The following TMEM260 variants were observed in gnomAD, a reference collection of about 807,000 sequenced individuals.
TMEM260 encodes the protein transmembrane protein 260.
Under a neutral mutation model 88.9 loss-of-function variants are expected in TMEM260, and 82 were observed. The ratio of observed to expected loss-of-function variants is 0.92; its 90% CI spans 0.77 to 1.11. The LOEUF (loss-of-function observed/expected upper bound fraction) is 1.11, where lower values mean the gene tolerates loss of function less well. Ranked by LOEUF, TMEM260 falls within the 50% of genes least tolerant of loss-of-function variation. TMEM260 has a pLI of 0.00. For synonymous variants in TMEM260, 314 were observed against 309.3 expected, an observed-to-expected ratio of 1.02 and a Z score of -0.16; for missense variants, 902 against 853.4, an observed-to-expected ratio of 1.06 and a Z score of -0.71.
In TMEM260 at chr14:56,603,982, A is replaced by G; in HGVS notation, c.512A>G (p.Glu171Gly). Residue 171 changes from glutamate to glycine, a missense_variant, in exon 4 of 16, where the codon GAG (glutamate) becomes GGG (glycine). Glu to Gly is a moderately conservative substitution (Grantham distance 98). Coordinates refer to ENST00000261556, the MANE Select transcript of TMEM260 (RefSeq NM_017799.4). Reference sequence around the variant, plus strand: ...TTTGAGGAAGCAGCAACTGCTAAGGAGAGATCAAAGGTAACCTATTTTGAT... The same window carrying G: ...TTTGAGGAAGCAGCAACTGCTAAGGGGAGATCAAAGGTAACCTATTTTGAT... ...VHFEEAATAKERSKVAKIGAF... is the reference protein window; with the variant it reads ...VHFEEAATAKGRSKVAKIGAF... 1 of 1,563,774 alleles carries G rather than the reference A, an allele frequency of 6.4e-7. No individual in the cohort carries two copies. The highest frequency in any genetic ancestry group is 1.2e-5 in the South Asian group (1 of 82,868).
At chr14:56,642,608 C>G (rs1889679868) in intron 15 of TMEM260, among the ~76,000 whole-genome samples, 1 of 152,018 alleles carries the variant, frequency 6.6e-6, no homozygotes, top group South Asian at 2.1e-4. Context: ...GCTAGAGAAG[C>G]AAGAGCAAAC....
Position 56,640,207 on chromosome 14 carries a change from T to C in TMEM260, c.1869+3609T>C, listed in dbSNP as rs188061834. Among the ~76,000 whole-genome samples, 5 of 152,206 alleles carry C rather than the reference T, an allele frequency of 3.3e-5. No individual in the cohort carries two copies. The East Asian group carries it at 9.7e-4, about 30-fold the overall frequency. On this transcript the variant is annotated intron_variant, in intron 15 of 15. Coordinates refer to ENST00000261556, the MANE Select transcript of TMEM260 (RefSeq NM_017799.4). The stretch of plus-strand genomic sequence containing the variant: ...TGGGCAGACTGCCTCCTCAAGTGGG[T>C]CCCTGACCCCCGAGTAGCCTAAATG...
Position 56,579,948 on chromosome 14 carries a change from C to G in TMEM260, c.34C>G (p.Gln12Glu). ...SPHGDGRGQA[Q>E]GRAVRVGLRR... ...CCATGGCGACGGCAGGGGCCAGGCC[C>G]AGGGGCGGGCAGTCCGAGTGGGGCT... The change falls in exon 1 of 16, where the codon CAG (glutamine) becomes GAG (glutamate). Residue 12 changes from glutamine (Q) to glutamate (E), a missense_variant. Transcript: ENST00000261556. 1.6e-6 allele frequency: 2 copies of G among 1,238,168 alleles called. No homozygotes were observed. The highest frequency in any genetic ancestry group is 1.0e-6 in the Non-Finnish European group (1 of 988,392). The allele number at this position is 1,238,168 out of a possible 1,614,324, so 76.7% of individuals were successfully genotyped here.
chr14:56,636,310 G>T (rs1365790435), intron 14 of TMEM260, among the ~76,000 whole-genome samples, 198 bp from the exon 15 acceptor site: 1 of 152,134 alleles, frequency 6.6e-6, no homozygotes, highest in Non-Finnish European at 1.5e-5. Context: ...TCATTAGTGT[G>T]AATGCAGCAT....
At chr14:56,599,225 G>A (rs149892644) in intron 3 of TMEM260, among the ~76,000 whole-genome samples, 12 of 152,058 alleles carry the variant, frequency 7.9e-5, no homozygotes, top group East Asian at 1.9e-4. Context: ...TCCCACTCTT[G>A]TCCTTCTGTC....
intron 3 of TMEM260, among the ~76,000 whole-genome samples, chr14:56,603,530 C>T (rs534637704): frequency 6.6e-6 from 1 of 152,150 alleles, no homozygotes; most frequent in Non-Finnish European, 1.5e-5. Context: ...GCTACTGTGT[C>T]TTCAGGTTTT....
At chr14:56,642,374 A>G (rs1311703266) in intron 15 of TMEM260, among the ~76,000 whole-genome samples, 10 of 152,192 alleles carry the variant, frequency 6.6e-5, no homozygotes, top group Non-Finnish European at 1.3e-4. Flanking sequence ...CCACTCAACT[A>G]CATGGAAACT....
chr14:56,584,507 C>T (rs1885360605), intron 1 of TMEM260, among the ~76,000 whole-genome samples: 1 of 152,078 alleles, frequency 6.6e-6, no homozygotes, highest in South Asian at 2.1e-4. Context: ...ACTTGGAAAT[C>T]ATTTAAAGAT....
chr14:56,583,647 A>C (rs1274216165), intron 1 of TMEM260, among the ~76,000 whole-genome samples: 1 of 152,142 alleles, frequency 6.6e-6, no homozygotes, highest in Non-Finnish European at 1.5e-5. Flanking sequence ...AGGAGGAAGA[A>C]GTGATTAATT....
In TMEM260 at chr14:56,647,775, C is replaced by T. The variant is rs1890058468; in HGVS notation, c.*278C>T. ...TCCAGTCTTTCACCAGATGACTGCA[C>T]TGGATTAGATTCTAGAAGAGAATGA... On this transcript the variant is annotated 3_prime_UTR_variant, in exon 16 of 16. Coordinates refer to ENST00000261556, the MANE Select transcript of TMEM260 (RefSeq NM_017799.4). 3 of 398,404 alleles carry T rather than the reference C, an allele frequency of 7.5e-6. No homozygotes were observed. The East Asian group carries it at 1.6e-4, about 21-fold the overall frequency. 24.7% of individuals were successfully genotyped at this position (398,404 alleles called of 1,614,324 possible).
At position 56,596,794 on chromosome 14, in the gene TMEM260, A is replaced by AAT. The variant is rs1555334867; in HGVS notation, c.345-7009_345-7008dup. 4.5e-3 allele frequency among the ~76,000 whole-genome samples: 616 copies of AAT among 136,280 alleles called. 12 individuals carry two copies. Among genetic ancestry groups the AAT allele is most frequent in the Admixed American group, 0.026 (355 of 13,660 alleles). 89.4% of individuals were successfully genotyped at this position (136,280 alleles called of 152,430 possible). ...AAAAAAAAAAAAAATTAAAAAAAAA[A>AAT]ATATATATATATACACACACACACC... is the stretch of plus-strand genomic sequence containing the variant. On this transcript the variant is annotated intron_variant, in intron 3 of 15. Transcript: ENST00000261556.
intron 3 of TMEM260, among the ~76,000 whole-genome samples, chr14:56,590,383 C>T (rs1885776991): frequency 6.6e-6 from 1 of 152,166 alleles, no homozygotes; most frequent in Non-Finnish European, 1.5e-5. Context: ...TTGATATCAC[C>T]AGGTATCCTC....
chr14:56,612,175 T>G, intron 6 of TMEM260, 70 bp from the exon 7 acceptor site: 4 of 1,394,194 alleles, frequency 2.9e-6, no homozygotes, highest in Non-Finnish European at 4.0e-6. Flanking sequence ...TTAAGATTAT[T>G]AAAATACAAT....
chr14:56,651,028 G>T (rs1324827187), downstream of TMEM260, among the ~76,000 whole-genome samples: 1 of 152,192 alleles, frequency 6.6e-6, no homozygotes, highest in Non-Finnish European at 1.5e-5. Flanking sequence ...TTCACATTTT[G>T]TTGTGAATGC....
chr14:56,651,745 A>T (rs569731730), downstream of TMEM260, among the ~76,000 whole-genome samples: 15 of 152,372 alleles, frequency 9.8e-5, no homozygotes, highest in African/African-American at 3.6e-4. Context: ...AATAAAAGAT[A>T]CATAGAAATA....
intron 2 of TMEM260, 36 bp downstream of exon 2, chr14:56,585,068 A>G (rs768092024): frequency 4.3e-5 from 68 of 1,592,252 alleles, no homozygotes; most frequent in Non-Finnish European, 5.7e-5. Context: ...CAATGCTCTC[A>G]TTAACAGTTT....
At position 56,621,651 on chromosome 14, in the gene TMEM260, C is replaced by A. The variant is rs1200345884; in HGVS notation, c.1347C>A (p.Tyr449Ter). The A allele has an allele frequency of 5.0e-6, 8 of 1,613,332 alleles. No homozygotes were observed. The highest frequency in any genetic ancestry group is 6.8e-6 in the Non-Finnish European group (8 of 1,179,642). ...ATTTGCCAGGAAATTCTCTCCGTTA[C>A]ATGCATTACTGTGAGGGGTTGAGGC... is the stretch of plus-strand genomic sequence containing the variant. ...RGDLPGNSLR[Y>*]MHYCEGLRPD... Residue 449 changes from tyrosine (Y) to a stop codon, truncating the protein, a stop_gained, in exon 11 of 16, where the codon TAC becomes TAA. Coordinates refer to ENST00000261556, the MANE Select transcript of TMEM260 (RefSeq NM_017799.4). LOFTEE classifies it high-confidence loss of function.
At chr14:56,641,076 G>A (rs1214700252) in intron 15 of TMEM260, among the ~76,000 whole-genome samples, 1 of 151,564 alleles carries the variant, frequency 6.6e-6, no homozygotes, top group Non-Finnish European at 1.5e-5. Flanking sequence ...ATGGAACCAA[G>A]TTGGAAAACA....
At chr14:56,585,214 A>G (rs1278423165) in intron 2 of TMEM260, among the ~76,000 whole-genome samples, 182 bp downstream of exon 2, 2 of 152,200 alleles carry the variant, frequency 1.3e-5, no homozygotes, top group Admixed American at 1.3e-4. Flanking sequence ...TAAATTATAA[A>G]GCAAAGCCTT....
Sources: allele counts gnomAD v4.1 joint callset (sites outside exome capture counted in the v4.1 genomes callset), GRCh38; gene constraint gnomAD v4.1.1; transcripts MANE v1.5; gene names NCBI Gene and HGNC (gene_info 2026-07-23, HGNC 2026-07-21).